ODR4: variants seen among roughly 807,000 people sequenced by gnomAD.
ODR4 encodes odr-4 GPCR localization factor homolog, also known as protein odr-4 homolog.
ODR4 carries 47 observed loss-of-function variants against 60.2 expected under a neutral mutation model. The ratio of observed to expected loss-of-function variants is 0.78; its 90% CI spans 0.62 to 1.00. The LOEUF (loss-of-function observed/expected upper bound fraction) is 1.00. Among genes scored for constraint, ODR4 ranks in the 50% least tolerant of loss-of-function variants. The pLI, the probability that ODR4 is intolerant of heterozygous loss-of-function variation, is 0.00. For missense variants in ODR4, 488 were observed against 530.8 expected (o/e 0.92, Z 0.79); for synonymous variants, 178 against 175.5 (o/e 1.01, Z -0.11).
At chr1:186,396,763 G>A (rs61810296) in intron 9 of ODR4, among the ~76,000 whole-genome samples, 1 of 118,830 alleles carries the variant, frequency 8.4e-6, no homozygotes, top group African/African-American at 3.3e-5. Context: ...ATAGATATAT[G>A]TATATACACA....
intron 13 of ODR4, 28 bp downstream of exon 13, chr1:186,417,682 C>A (rs755309642): frequency 1.9e-5 from 21 of 1,131,862 alleles, no homozygotes; most frequent in Non-Finnish European, 2.6e-5. Flanking sequence ...TTTTATAACA[C>A]TGAAAACATA....
chr1:186,382,118 A>G (rs1660057912), intron 2 of ODR4, among the ~76,000 whole-genome samples: 1 of 152,084 alleles, frequency 6.6e-6, no homozygotes, highest in South Asian at 2.1e-4. Flanking sequence ...TTACAGCTGA[A>G]GAACAGATTG....
the ODR4 span, among the ~76,000 whole-genome samples, chr1:186,432,419 T>C: frequency 6.6e-6 from 1 of 152,296 alleles, no homozygotes; most frequent in Admixed American, 6.5e-5. Context: ...ATTATTCTCC[T>C]TTTCTGTTCT....
At chr1:186,377,127 T>C (rs969540024) in intron 1 of ODR4, among the ~76,000 whole-genome samples, 1 of 152,220 alleles carries the variant, frequency 6.6e-6, no homozygotes, top group Non-Finnish European at 1.5e-5. Flanking sequence ...AAATCATCTC[T>C]AAGTTACTTA....
intron 12 of ODR4, 26 bp downstream of exon 12, chr1:186,406,294 C>A: frequency 6.7e-7 from 1 of 1,502,298 alleles, no homozygotes; most frequent in South Asian, 1.4e-5. Context: ...TATTTAAGAA[C>A]CTGGTTAGAT....
At chr1:186,434,401 T>C in the ODR4 span, among the ~76,000 whole-genome samples, 1 of 152,130 alleles carries the variant, frequency 6.6e-6, no homozygotes, top group Non-Finnish European at 1.5e-5. Flanking sequence ...CATTTATGGT[T>C]TTTGTTACTA....
At position 186,386,948 on chromosome 1, in the gene ODR4, C is replaced by T. The variant is rs1244590508; in HGVS notation, c.330+865C>T. On this transcript the variant is annotated intron_variant, in intron 4 of 13. Coordinates refer to ENST00000287859, the MANE Select transcript of ODR4 (RefSeq NM_017847.6). The stretch of plus-strand genomic sequence containing the variant: ...ATATGAAGGTCCACATGCTGTTTTC[C>T]CTTAAACCCAAACCTAAGGTAGATT... 1.1e-4 allele frequency among the ~76,000 whole-genome samples: 17 copies of T among 152,168 alleles called. No individual in the cohort carries two copies. The South Asian group carries it at 3.1e-3, about 28-fold the overall frequency.
At chr1:186,385,459 A>G (rs1007503622) in intron 3 of ODR4, among the ~76,000 whole-genome samples, 2 of 151,746 alleles carry the variant, frequency 1.3e-5, no homozygotes. Context: ...GAGTTCAGAG[A>G]TGAAAAGATC....
At chr1:186,417,385 C>T in intron 12 of ODR4, 159 bp from the exon 13 acceptor site, 1 of 595,462 alleles carries the variant, frequency 1.7e-6, no homozygotes, top group Non-Finnish European at 3.0e-6. Context: ...AAATTTAATT[C>T]ACCTACAATT....
chr1:186,427,454 G>A, the ODR4 span, among the ~76,000 whole-genome samples: 353 of 152,144 alleles, frequency 2.3e-3, 4 homozygotes, highest in African/African-American at 8.3e-3. Flanking sequence ...TCATGATATC[G>A]CACCAATTTA....
intron 12 of ODR4, among the ~76,000 whole-genome samples, chr1:186,412,336 CTG>C (rs1661408894): frequency 6.6e-6 from 1 of 152,084 alleles, no homozygotes; most frequent in Non-Finnish European, 1.5e-5. Flanking sequence ...GGCACTGTCT[CTG>C]TAAGGGATTC....
rs113056657 is a variant in ODR4 at position 186,397,954 on chromosome 1, G to C, written c.781-359G>C. Among the ~76,000 whole-genome samples the C allele has an allele frequency of 8.3e-3, 1,257 of 152,214 alleles. 25 individuals are homozygous for C. Among genetic ancestry groups the C allele is most frequent in the African/African-American group, 0.029 (1,209 of 41,504 alleles). ...TTTTGCATTGCACAACTTATATCTAGTACATCATATCTTCTTTGTATATCT... is the reference window on the plus strand; with the variant it reads ...TTTTGCATTGCACAACTTATATCTACTACATCATATCTTCTTTGTATATCT... On this transcript the variant is annotated intron_variant, in intron 9 of 13. Transcript: ENST00000287859.
the ODR4 span, among the ~76,000 whole-genome samples, chr1:186,431,138 G>C: frequency 6.6e-6 from 1 of 152,140 alleles, no homozygotes; most frequent in Non-Finnish European, 1.5e-5. Flanking sequence ...AAGAAAATAG[G>C]TGTAAATATA....
the ODR4 span, among the ~76,000 whole-genome samples, chr1:186,432,766 C>T: frequency 6.6e-6 from 1 of 151,736 alleles, no homozygotes; most frequent in South Asian, 2.1e-4. Context: ...CACCACACCC[C>T]CTGCAGTGAA....
At chr1:186,388,937 CA>C (rs1168556979) in intron 5 of ODR4, among the ~76,000 whole-genome samples, 6 of 152,156 alleles carry the variant, frequency 3.9e-5, no homozygotes. Flanking sequence ...CAATTCAAAG[CA>C]CAGGTGCACA....
At chr1:186,406,360 T>G (rs1233969648) in intron 12 of ODR4, 92 bp downstream of exon 12, 13 of 989,440 alleles carry the variant, frequency 1.3e-5, no homozygotes, top group East Asian at 2.7e-5. Flanking sequence ...TCTTTAGATT[T>G]TTTTTAAAGC....
intron 12 of ODR4, among the ~76,000 whole-genome samples, chr1:186,411,248 A>G (rs1372221138): frequency 6.6e-6 from 1 of 152,092 alleles, no homozygotes; most frequent in Non-Finnish European, 1.5e-5. Context: ...AAAAATCTGA[A>G]ATCTGAAACA....
intron 12 of ODR4, among the ~76,000 whole-genome samples, chr1:186,416,728 C>T (rs927607086): frequency 6.6e-6 from 1 of 150,586 alleles, no homozygotes; most frequent in South Asian, 2.1e-4. Context: ...TGGTGGCAGG[C>T]GGCTGTAATC....
chr1:186,426,899 GTAGTC>G, the ODR4 span, among the ~76,000 whole-genome samples: 1 of 151,984 alleles, frequency 6.6e-6, no homozygotes, highest in Non-Finnish European at 1.5e-5. Context: ...TTTTTATACT[GTAGTC>G]TAGTAAGTGC....
Sources: gnomAD v4.1 joint callset for allele counts (sites outside exome capture counted in the v4.1 genomes callset) on GRCh38, gnomAD v4.1.1 for gene constraint, MANE v1.5 for transcripts, NCBI Gene and HGNC (gene_info 2026-07-23, HGNC 2026-07-21) for gene names.